Variants in COL4A5 observed in about 807,000 individuals in gnomAD.
COL4A5 encodes collagen alpha-5(IV) chain.
A neutral mutation model predicts 130.2 loss-of-function variants in COL4A5; 26 were observed. The ratio of observed to expected loss-of-function variants is 0.20; its 90% confidence interval spans 0.15 to 0.28. The LOEUF (loss-of-function observed/expected upper bound fraction) is 0.28, where lower values mean the gene tolerates loss of function less well. COL4A5 is among the 10% of genes least tolerant of loss of function. COL4A5 has a pLI of 1.00. For synonymous variants in COL4A5, 496 were observed against 439.6 expected (o/e 1.13, Z -1.60); for missense variants, 1,131 against 1,344.3 (o/e 0.84, Z 2.48).
At chrX:108,559,757 T>C (rs181113806) in intron 3 of COL4A5, among the ~76,000 whole-genome samples, 43 of 111,702 alleles carry the variant, frequency 3.8e-4, no homozygotes, top group Non-Finnish European at 7.0e-4. Flanking sequence ...AAAAGTATTT[T>C]TATGGTTTCT....
At position 108,514,132 on chromosome X, in the gene COL4A5, C is replaced by A. The variant is rs186158830; in HGVS notation, c.82-25614C>A. Among the ~76,000 whole-genome samples, 8 of 111,831 alleles carry A rather than the reference C, an allele frequency of 7.2e-5. No homozygotes were observed. The East Asian group carries it at 2.2e-3, about 31-fold the overall frequency. On this transcript the variant is annotated intron_variant, in intron 1 of 52. Transcript: ENST00000328300. ...TACCACACCGTCTTAATTACTGTAC[C>A]TTTATAATAAGTCTGGAAGTCAAGT... is the stretch of plus-strand genomic sequence containing the variant.
chrX:108,557,334 C>G (rs2065836797), intron 2 of COL4A5, among the ~76,000 whole-genome samples: 1 of 111,334 alleles, frequency 9.0e-6, no homozygotes, highest in African/African-American at 3.3e-5. Context: ...TTTATTTCCT[C>G]AAAAACAATT....
intron 1 of COL4A5, among the ~76,000 whole-genome samples, chrX:108,490,607 A>G (rs985001988): frequency 8.9e-6 from 1 of 111,904 alleles, no homozygotes; most frequent in Non-Finnish European, 1.9e-5. Flanking sequence ...GCATAATTGT[A>G]TGTGCTATAC....
At chrX:108,515,842 A>C (rs1436828863) in intron 1 of COL4A5, among the ~76,000 whole-genome samples, 1 of 111,612 alleles carries the variant, frequency 9.0e-6, no homozygotes, top group Non-Finnish European at 1.9e-5. Context: ...TCAGTGTTTG[A>C]TAATAAAAAA....
intron 32 of COL4A5, among the ~76,000 whole-genome samples, chrX:108,622,349 T>G (rs1270835650): frequency 9.0e-6 from 1 of 111,603 alleles, no homozygotes; most frequent in Non-Finnish European, 1.9e-5. Flanking sequence ...GCAAGGATGG[T>G]CTCGATCTCC....
chrX:108,646,731 T>G (rs1402861860), intron 36 of COL4A5, among the ~76,000 whole-genome samples: 3 of 112,198 alleles, frequency 2.7e-5, no homozygotes, highest in Middle Eastern at 4.6e-3. Flanking sequence ...ATTTAAGTCT[T>G]TAATCCATCT....
At chrX:108,589,538 G>A (rs1477211703) in intron 19 of COL4A5, among the ~76,000 whole-genome samples, 1 of 111,265 alleles carries the variant, frequency 9.0e-6, no homozygotes, top group Non-Finnish European at 1.9e-5. Context: ...GTGCACAGTA[G>A]ACATATCTAA....
At chrX:108,480,222 C>T (rs1216116827) in intron 1 of COL4A5, among the ~76,000 whole-genome samples, 1 of 112,347 alleles carries the variant, frequency 8.9e-6, no homozygotes, top group East Asian at 2.8e-4. Context: ...GGCGTTGTGC[C>T]TCTTTCTTGA....
rs184694378 is a variant in COL4A5, at chrX:108,620,073, C to A, written c.2510-186C>A. Reference sequence around the variant, plus strand: ...TAATTTGAGAAGCACTGTCTTAGAGCAATCTGCTTGAAAATCCTAAAGCTT... The same window carrying A: ...TAATTTGAGAAGCACTGTCTTAGAGAAATCTGCTTGAAAATCCTAAAGCTT... On this transcript the variant is annotated intron_variant, in intron 30 of 52. Transcript: ENST00000328300. 1.0e-3 allele frequency among the ~76,000 whole-genome samples: 113 copies of A among 112,275 alleles called. 4 individuals are homozygous for A. The East Asian group carries it at 0.031, about 31-fold the overall frequency.
rs1172468767 is a variant in COL4A5, at chrX:108,686,148, G to T, written c.4315+19G>T. ...CAGCCAGGTAAGACAAGTAAAACAT[G>T]CTGTTGGTGGAGGGAAAGTCTTTGA... On this transcript the variant is annotated intron_variant, in intron 48 of 52. Coordinates refer to ENST00000328300, the MANE Select transcript of COL4A5 (RefSeq NM_033380.3). The T allele has an allele frequency of 1.7e-6, 2 of 1,160,365 alleles. No individual in the cohort carries two copies. Among genetic ancestry groups the T allele is most frequent in the Admixed American group, 2.2e-5 (1 of 45,173 alleles).
At chrX:108,540,224 T>TA (rs2065515553) in intron 2 of COL4A5, among the ~76,000 whole-genome samples, 1 of 111,079 alleles carries the variant, frequency 9.0e-6, no homozygotes, top group South Asian at 3.9e-4. Flanking sequence ...TACCTTTGGG[T>TA]AAGTGTTGGG....
intron 2 of COL4A5, among the ~76,000 whole-genome samples, chrX:108,557,190 A>G (rs1333811789): frequency 1.8e-5 from 2 of 111,146 alleles, no homozygotes; most frequent in Non-Finnish European, 3.8e-5. Context: ...AATCTACTGT[A>G]ACTAGATTTT....
intron 36 of COL4A5, among the ~76,000 whole-genome samples, chrX:108,635,471 T>C (rs1253304018): frequency 9.0e-6 from 1 of 111,684 alleles, no homozygotes; most frequent in Admixed American, 9.5e-5. Flanking sequence ...ATAGTGTAAT[T>C]GTTCTAACCT....
At chrX:108,492,639 A>G (rs955683933) in intron 1 of COL4A5, among the ~76,000 whole-genome samples, 9 of 111,842 alleles carry the variant, frequency 8.0e-5, no homozygotes, top group Non-Finnish European at 1.7e-4. Flanking sequence ...GACAAATCGA[A>G]TATTGAGCAC....
chrX:108,695,385 A>G lies in COL4A5; in HGVS notation c.4940A>G (p.Tyr1647Cys), dbSNP rs2148002477. Residue 1647 changes from tyrosine (Y) to cysteine (C), a missense_variant, in exon 52 of 53, where the codon TAT (tyrosine) becomes TGT (cysteine). Transcript: ENST00000328300. Reference protein sequence around the residue: ...ECHGRGTCNYYANSYSFWLAT... With the variant: ...ECHGRGTCNYCANSYSFWLAT... ...CATGGGAGGGGTACCTGTAACTACTATGCCAACTCCTACAGCTTTTGGCTG... is the reference window on the plus strand; with the variant it reads ...CATGGGAGGGGTACCTGTAACTACTGTGCCAACTCCTACAGCTTTTGGCTG... 8.3e-7 allele frequency: 1 copy of G among 1,211,580 alleles called. No individual in the cohort carries two copies. Among genetic ancestry groups the G allele is most frequent in the Non-Finnish European group, 1.1e-6 (1 of 895,398 alleles).
chrX:108,628,677 A>G (rs926551561), intron 36 of COL4A5, among the ~76,000 whole-genome samples: 11 of 111,888 alleles, frequency 9.8e-5, no homozygotes, highest in African/African-American at 2.6e-4. Context: ...TTTGTTGCAA[A>G]TATTTTCTCC....
At chrX:108,658,791 C>A (rs2067895282) in intron 37 of COL4A5, among the ~76,000 whole-genome samples, 1 of 110,735 alleles carries the variant, frequency 9.0e-6, no homozygotes, top group Non-Finnish European at 1.9e-5. Context: ...AATTTTATTT[C>A]TTTATTTTGA....
At position 108,602,983 on chromosome X, in the gene COL4A5, A is replaced by G. The variant is rs751193881; in HGVS notation, c.2166A>G (p.Gly722=). The G allele has an allele frequency of 2.4e-5, 28 of 1,183,808 alleles. No homozygotes were observed. Among genetic ancestry groups the G allele is most frequent in the Admixed American group, 4.6e-5 (2 of 43,832 alleles). The change falls in exon 28 of 53, where the codon GGA becomes GGG. Residue 722 remains glycine, a synonymous_variant. Transcript: ENST00000328300. ...PGPKGFPGIP[G]PPGAPGTPGR... ...TTACAGGCTTTCCTGGAATTCCAGGACCTCCAGGAGCACCTGGGACACCTG... is the reference window on the plus strand; with the variant it reads ...TTACAGGCTTTCCTGGAATTCCAGGGCCTCCAGGAGCACCTGGGACACCTG...
At position 108,683,526 on chromosome X, in the gene COL4A5, G is replaced by A. The variant is rs28836304; in HGVS notation, c.4216+1638G>A. On this transcript the variant is annotated intron_variant, in intron 47 of 52. Coordinates refer to ENST00000328300, the MANE Select transcript of COL4A5 (RefSeq NM_033380.3). The stretch of plus-strand genomic sequence containing the variant: ...TGATATTGATTCTTCCTAACCATGA[G>A]CATGGAATATTTTTCCATTTGTTTG... 6.1e-3 allele frequency among the ~76,000 whole-genome samples: 678 copies of A among 111,516 alleles called. 2 individuals carry two copies. Among genetic ancestry groups the A allele is most frequent in the East Asian group, 0.036 (128 of 3,546 alleles).
Sources: gnomAD v4.1 joint callset for allele counts (sites outside exome capture counted in the v4.1 genomes callset) on GRCh38, gnomAD v4.1.1 for gene constraint, MANE v1.5 for transcripts, NCBI Gene and HGNC (gene_info 2026-07-23, HGNC 2026-07-21) for gene names.